The following ST6GALNAC5 variants were observed in gnomAD, a reference collection of about 807,000 sequenced individuals.
ST6GALNAC5 encodes alpha-N-acetylgalactosaminide alpha-2,6-sialyltransferase 5.
In ST6GALNAC5, 27 loss-of-function variants were observed where a neutral mutation model predicts 33.6. The observed-to-expected ratio is 0.80, with a 90% CI of 0.59 to 1.11. The LOEUF is 1.11. Ranked by LOEUF, ST6GALNAC5 falls within the 50% of genes least tolerant of loss-of-function variation. The pLI, the probability that ST6GALNAC5 is intolerant of heterozygous loss-of-function variation, is 0.00. For synonymous variants in ST6GALNAC5, 194 were observed against 171.2 expected, an observed-to-expected ratio of 1.13 and a Z score of -1.04; for missense variants, 428 against 454.0, an observed-to-expected ratio of 0.94 and a Z score of 0.52.
intron 2 of ST6GALNAC5, among the ~76,000 whole-genome samples, chr1:76,975,560 T>C (rs1415842804): frequency 6.6e-6 from 1 of 152,138 alleles, no homozygotes; most frequent in African/African-American, 2.4e-5. Flanking sequence ...GTAAGTGGGA[T>C]TAATATTGTA....
At chr1:76,873,837 T>C (rs1653565414) in intron 2 of ST6GALNAC5, among the ~76,000 whole-genome samples, 1 of 152,204 alleles carries the variant, frequency 6.6e-6, no homozygotes, top group African/African-American at 2.4e-5. Context: ...CATTTCTAGG[T>C]TTTTGAACTA....
intron 2 of ST6GALNAC5, among the ~76,000 whole-genome samples, chr1:77,037,773 A>T (rs12725479): frequency 6.6e-6 from 1 of 152,048 alleles, no homozygotes. Context: ...CTACAAGACA[A>T]TGGGGGCTTA....
chr1:77,014,170 ATCCTCTAACCTTT>A (rs1429457781), intron 2 of ST6GALNAC5, among the ~76,000 whole-genome samples: 2 of 152,166 alleles, frequency 1.3e-5, no homozygotes, highest in Non-Finnish European at 2.9e-5. Flanking sequence ...CAGCCACATA[ATCCTCTAACCTTT>A]TCCTCTAACC....
intron 3 of ST6GALNAC5, among the ~76,000 whole-genome samples, chr1:77,047,039 G>A (rs925215592): frequency 2.6e-5 from 4 of 152,158 alleles, no homozygotes; most frequent in African/African-American, 7.2e-5. Context: ...TTTCTTCCTG[G>A]TCGTCCTGGC....
chr1:76,958,073 C>T (rs560044451), intron 2 of ST6GALNAC5, among the ~76,000 whole-genome samples: 1 of 152,178 alleles, frequency 6.6e-6, no homozygotes, highest in East Asian at 1.9e-4. Context: ...AAGAGTTCCC[C>T]GCAGGAGACG....
chr1:76,875,594 T>C (rs1653620444), intron 2 of ST6GALNAC5, among the ~76,000 whole-genome samples: 1 of 152,124 alleles, frequency 6.6e-6, no homozygotes, highest in African/African-American at 2.4e-5. Context: ...GATGGCAGCG[T>C]TCCTCTCTCT....
At chr1:77,022,017 T>C (rs1425418822) in intron 2 of ST6GALNAC5, among the ~76,000 whole-genome samples, 1 of 152,182 alleles carries the variant, frequency 6.6e-6, no homozygotes, top group Non-Finnish European at 1.5e-5. Context: ...GTTTGTCTTT[T>C]TTCCCCCAGC....
intron 2 of ST6GALNAC5, among the ~76,000 whole-genome samples, chr1:76,895,096 G>A (rs938129981): frequency 6.6e-6 from 1 of 152,150 alleles, no homozygotes; most frequent in Non-Finnish European, 1.5e-5. Context: ...GTTAAGGCAG[G>A]AACAGGCCAT....
intron 2 of ST6GALNAC5, among the ~76,000 whole-genome samples, chr1:77,006,930 C>T (rs1037186854): frequency 1.3e-5 from 2 of 152,148 alleles, no homozygotes; most frequent in Non-Finnish European, 2.9e-5. Flanking sequence ...GAAGCAATGG[C>T]GTGACTAGGC....
At chr1:77,030,237 T>G (rs1651403689) in intron 2 of ST6GALNAC5, among the ~76,000 whole-genome samples, 1 of 152,238 alleles carries the variant, frequency 6.6e-6, no homozygotes, top group Non-Finnish European at 1.5e-5. Context: ...CTTTCACTGA[T>G]TTTGTTTTGC....
chr1:76,966,317 C>T (rs959816676), intron 2 of ST6GALNAC5, among the ~76,000 whole-genome samples: 1 of 152,188 alleles, frequency 6.6e-6, no homozygotes, highest in Admixed American at 6.6e-5. Context: ...AGGTCCTTCA[C>T]ATCCCTTGTA....
At chr1:76,977,038 A>T (rs1649037433) in intron 2 of ST6GALNAC5, among the ~76,000 whole-genome samples, 1 of 152,268 alleles carries the variant, frequency 6.6e-6, no homozygotes, top group Middle Eastern at 3.4e-3. Context: ...CCCTACTTTG[A>T]GTAATAAGGT....
chr1:76,932,162 T>G (rs12118248), intron 2 of ST6GALNAC5, among the ~76,000 whole-genome samples: 89,516 of 151,916 alleles, frequency 0.59, 26,679 homozygotes, highest in African/African-American at 0.64. Context: ...GGAAAGAGTT[T>G]TCCTTAAATG....
At chr1:76,904,092 T>C (rs1047529880) in intron 2 of ST6GALNAC5, among the ~76,000 whole-genome samples, 6 of 152,224 alleles carry the variant, frequency 3.9e-5, no homozygotes, top group Non-Finnish European at 8.8e-5. Flanking sequence ...TGTGATGCTC[T>C]AACCAGCATA....
At chr1:77,042,294 C>T (rs940237859) in intron 2 of ST6GALNAC5, among the ~76,000 whole-genome samples, 33 of 152,184 alleles carry the variant, frequency 2.2e-4, no homozygotes, top group African/African-American at 7.7e-4. Context: ...TCTCCACAGC[C>T]CCTTACTCCG....
intron 2 of ST6GALNAC5, among the ~76,000 whole-genome samples, chr1:76,908,484 T>A (rs1646884247): frequency 1.3e-5 from 2 of 152,192 alleles, no homozygotes; most frequent in South Asian, 4.1e-4. Flanking sequence ...GGTTTCAATA[T>A]GTGGATCTGA....
intron 2 of ST6GALNAC5, among the ~76,000 whole-genome samples, chr1:76,956,478 T>G (rs2100343991): frequency 6.6e-6 from 1 of 152,278 alleles, no homozygotes; most frequent in Non-Finnish European, 1.5e-5. Context: ...GCTAACAAAC[T>G]TTGTAATACT....
chr1:77,013,054 A>C (rs975750125), intron 2 of ST6GALNAC5, among the ~76,000 whole-genome samples: 5 of 152,204 alleles, frequency 3.3e-5, no homozygotes, highest in South Asian at 4.2e-4. Flanking sequence ...ATATGCAAAG[A>C]CCTCCCTGGC....
intron 2 of ST6GALNAC5, among the ~76,000 whole-genome samples, chr1:76,926,844 T>C (rs778937083): frequency 2.0e-5 from 3 of 152,132 alleles, no homozygotes; most frequent in Non-Finnish European, 4.4e-5. Flanking sequence ...TCTCTAATTT[T>C]CTAGGAGAAA....
Sources: allele counts gnomAD v4.1 joint callset (sites outside exome capture counted in the v4.1 genomes callset), GRCh38; gene constraint gnomAD v4.1.1; transcripts MANE v1.5; gene names NCBI Gene and HGNC (gene_info 2026-07-23, HGNC 2026-07-21).